Variants in FRMD6 observed in about 807,000 individuals in gnomAD.
The protein encoded by FRMD6 is FERM domain-containing protein 6.
Under a neutral mutation model 73.2 loss-of-function variants are expected in FRMD6, and 37 were observed. The ratio of observed to expected loss-of-function variants is 0.51; its 90% CI spans 0.39 to 0.66. FRMD6 has a LOEUF of 0.66. FRMD6 is among the 30% of genes least tolerant of loss of function. FRMD6 has a pLI of 0.00. For synonymous variants in FRMD6, 273 were observed against 282.2 expected, an observed-to-expected ratio of 0.97 and a Z score of 0.33; for missense variants, 714 against 780.5, an observed-to-expected ratio of 0.91 and a Z score of 1.02.
Position 51,722,094 on chromosome 14 carries a change from G to C in FRMD6, c.1492+14G>C. ...ATGGACACTCTGGTGAGCTCTTACG[G>C]GAAGTTATTCTTCCTTGGTAGCAGG... On this transcript the variant is annotated intron_variant, in intron 12 of 13. Transcript: ENST00000344768. The C allele has an allele frequency of 1.9e-6, 3 of 1,613,296 alleles. No homozygotes were observed. The highest frequency in any genetic ancestry group is 2.5e-6 in the Non-Finnish European group (3 of 1,179,524).
chr14:51,443,948 T>TTTTG, the FRMD6 span, among the ~76,000 whole-genome samples: 1 of 151,254 alleles, frequency 6.6e-6, no homozygotes, highest in African/African-American at 2.4e-5. Context: ...TGTGAGTTTT[T>TTTTG]TTTTTTTTTT....
At chr14:51,538,364 G>A (rs1013786032) in intron 1 of FRMD6, among the ~76,000 whole-genome samples, 2 of 151,404 alleles carry the variant, frequency 1.3e-5, no homozygotes, top group Admixed American at 6.6e-5. Flanking sequence ...TTACTTTTTC[G>A]GTGGTGTACT....
chr14:51,496,908 A>G (rs1330246417), intron 1 of FRMD6, among the ~76,000 whole-genome samples: 2 of 152,198 alleles, frequency 1.3e-5, no homozygotes, highest in Non-Finnish European at 2.9e-5. Flanking sequence ...AATTTCTCAC[A>G]TGTAATTTCT....
intron 1 of FRMD6, among the ~76,000 whole-genome samples, chr14:51,668,202 A>G (rs921564888): frequency 6.6e-6 from 1 of 152,208 alleles, no homozygotes; most frequent in African/African-American, 2.4e-5. Context: ...CTATTAATTT[A>G]TAGAACTGGT....
chr14:51,619,470 C>T (rs1031271544), intron 2 of FRMD6, among the ~76,000 whole-genome samples: 1 of 152,058 alleles, frequency 6.6e-6, no homozygotes, highest in East Asian at 1.9e-4. Flanking sequence ...CAAATAGTTA[C>T]CCTTTGGAAG....
chr14:51,580,883 A>C (rs972199425), intron 2 of FRMD6, among the ~76,000 whole-genome samples: 1 of 152,230 alleles, frequency 6.6e-6, no homozygotes, highest in Non-Finnish European at 1.5e-5. Flanking sequence ...TGTTCCTGGG[A>C]ATTGTGCAGT....
chr14:51,554,172 C>T (rs1219419535), intron 1 of FRMD6, among the ~76,000 whole-genome samples: 2 of 151,862 alleles, frequency 1.3e-5, no homozygotes, highest in East Asian at 3.9e-4. Context: ...TCCCAATGGC[C>T]AAAGCTGGAA....
the FRMD6 span, among the ~76,000 whole-genome samples, chr14:51,470,116 C>G: frequency 6.6e-6 from 1 of 152,110 alleles, no homozygotes. Context: ...CTCATAGAAT[C>G]TATAATGATA....
chr14:51,502,375 A>T (rs767226951), intron 1 of FRMD6, among the ~76,000 whole-genome samples: 5 of 152,128 alleles, frequency 3.3e-5, no homozygotes, highest in African/African-American at 1.2e-4. Context: ...TAGTTTTTGT[A>T]TATGGTGTAA....
intron 10 of FRMD6, among the ~76,000 whole-genome samples, chr14:51,717,093 T>C (rs1478283221): frequency 1.3e-5 from 2 of 152,344 alleles, no homozygotes; most frequent in East Asian, 3.9e-4. Context: ...CAAAGAATTT[T>C]GAGTTTTCAG....
intron 7 of FRMD6, among the ~76,000 whole-genome samples, chr14:51,708,933 A>G (rs757882959): frequency 1.1e-4 from 17 of 152,208 alleles, no homozygotes; most frequent in Middle Eastern, 3.4e-3. Context: ...TGTCCCGTGT[A>G]TCTCTAGCCT....
At chr14:51,696,064 G>T (rs529813133) in intron 2 of FRMD6, among the ~76,000 whole-genome samples, 22 of 151,966 alleles carry the variant, frequency 1.4e-4, no homozygotes, top group South Asian at 8.3e-4. Flanking sequence ...AATAAAAGGG[G>T]AGAATGCCAT....
At chr14:51,429,212 GAC>G in the FRMD6 span, among the ~76,000 whole-genome samples, 2 of 152,268 alleles carry the variant, frequency 1.3e-5, no homozygotes, top group African/African-American at 4.8e-5. Context: ...AATCCCAATT[GAC>G]ACCACAAGGA....
chr14:51,702,873 G>A (rs749841297), intron 5 of FRMD6, among the ~76,000 whole-genome samples: 3 of 151,964 alleles, frequency 2.0e-5, no homozygotes, highest in South Asian at 4.1e-4. Context: ...TCCACTCCAC[G>A]TTTTCATAAC....
At chr14:51,423,166 T>C in the FRMD6 span, among the ~76,000 whole-genome samples, 1 of 152,192 alleles carries the variant, frequency 6.6e-6, no homozygotes, top group Admixed American at 6.5e-5. Context: ...TTCTGTCTGT[T>C]TCAGCACATA....
the FRMD6 span, chr14:51,454,839 T>C: frequency 6.6e-6 from 1 of 151,944 alleles, no homozygotes; most frequent in African/African-American, 2.4e-5. Context: ...AAAAAATGAA[T>C]GCACTGAATG....
intron 2 of FRMD6, among the ~76,000 whole-genome samples, chr14:51,581,998 G>A (rs1204273685): frequency 6.6e-6 from 1 of 152,142 alleles, no homozygotes; most frequent in Non-Finnish European, 1.5e-5. Flanking sequence ...AGACAAAAAG[G>A]GCTTATCTTT....
intron 1 of FRMD6, among the ~76,000 whole-genome samples, chr14:51,555,170 C>T (rs1488251160): frequency 6.6e-6 from 1 of 152,138 alleles, no homozygotes; most frequent in Non-Finnish European, 1.5e-5. Context: ...TGTCATCTGG[C>T]AGAAGTCTAC....
At chr14:51,602,902 G>T (rs1448009951) in intron 2 of FRMD6, among the ~76,000 whole-genome samples, 1 of 152,140 alleles carries the variant, frequency 6.6e-6, no homozygotes, top group African/African-American at 2.4e-5. Context: ...GTGAAATTAT[G>T]GTATAGCTAT....
Sources: gnomAD v4.1 joint callset for allele counts (sites outside exome capture counted in the v4.1 genomes callset) on GRCh38, gnomAD v4.1.1 for gene constraint, MANE v1.5 for transcripts, NCBI Gene and HGNC (gene_info 2026-07-23, HGNC 2026-07-21) for gene names.